TDRP: variants seen among roughly 807,000 people sequenced by gnomAD.
The protein encoded by TDRP is testis development related protein.
In TDRP, 12 loss-of-function variants were observed where a neutral mutation model predicts 10.5. The observed-to-expected ratio is 1.15, with a 90% CI of 0.73 to 1.86. The LOEUF (loss-of-function observed/expected upper bound fraction) is 1.86, where lower values mean the gene tolerates loss of function less well. Among genes scored for constraint, TDRP ranks in the 40% most tolerant of loss-of-function variants. The pLI is 0.00. For missense variants in TDRP, 353 were observed against 229.2 expected, an observed-to-expected ratio of 1.54 and a Z score of -3.49; for synonymous variants, 139 against 95.4, an observed-to-expected ratio of 1.46 and a Z score of -2.67.
chr8:510,864 A>C (rs889486807), intron 1 of TDRP, among the ~76,000 whole-genome samples: 3 of 152,230 alleles, frequency 2.0e-5, no homozygotes, highest in Non-Finnish European at 2.9e-5. Flanking sequence ...TTCTTCCCAG[A>C]ACTAGTCTGA....
At chr8:503,401 C>A (rs113744041) in intron 1 of TDRP, among the ~76,000 whole-genome samples, 1 of 148,680 alleles carries the variant, frequency 6.7e-6, no homozygotes, top group Non-Finnish European at 1.5e-5. Context: ...CACCTCTGCA[C>A]GCGTCAACAC....
upstream of TDRP, chr8:544,878 G>T: frequency 1.5e-6 from 1 of 670,814 alleles, no homozygotes; most frequent in Non-Finnish European, 2.1e-6. Context: ...GCCGGGCGGG[G>T]CTAGGCGGGG....
chr8:543,045 C>T (rs1394950050), intron 1 of TDRP, among the ~76,000 whole-genome samples: 1 of 152,106 alleles, frequency 6.6e-6, no homozygotes, highest in Non-Finnish European at 1.5e-5. Flanking sequence ...TGGTGACTCA[C>T]GCCTGTGATC....
chr8:514,445 A>G (rs543282143), intron 1 of TDRP, among the ~76,000 whole-genome samples: 1 of 152,160 alleles, frequency 6.6e-6, no homozygotes, highest in African/African-American at 2.4e-5. Context: ...GCCTCCCACC[A>G]AGGGAACTGC....
chr8:508,033 T>A lies in TDRP; in HGVS notation c.109-13436A>T, dbSNP rs1230809057. On this transcript the variant is annotated intron_variant, in intron 1 of 2. Coordinates refer to ENST00000324079, the MANE Select transcript of TDRP (RefSeq NM_001384899.1). ...ACAGCAGGCAACACAAACTGCCAGA[T>A]CTGTGGATTTAACAGAAGAAGACTT... Among the ~76,000 whole-genome samples the A allele has an allele frequency of 7.2e-5, 11 of 152,124 alleles. 2 individuals are homozygous for A. The highest frequency in any genetic ancestry group is 7.2e-4 in the Admixed American group (11 of 15,282).
At chr8:498,285 T>C (rs1459870023) in intron 1 of TDRP, among the ~76,000 whole-genome samples, 1 of 152,342 alleles carries the variant, frequency 6.6e-6, no homozygotes, top group East Asian at 1.9e-4. Flanking sequence ...CCACAGGGTC[T>C]GTGGAGATGC....
Position 544,782 on chromosome 8 carries a change from C to G in TDRP, c.-25G>C. 1 of 1,226,258 alleles carries G rather than the reference C, an allele frequency of 8.2e-7. No homozygotes were observed. The highest frequency in any genetic ancestry group is 1.0e-6 in the Non-Finnish European group (1 of 981,726). The allele number at this position is 1,226,258 out of a possible 1,614,324, so 76.0% of individuals were successfully genotyped here. A position where few individuals can be genotyped will look rare whatever the true frequency, so the allele number is the denominator to read the frequency against. ...TGGTCAGGCGGGCTCCGGCGTCCCT[C>G]CGTCCGTGCGTCGGGCTGTGGCTCC... is the stretch of plus-strand genomic sequence containing the variant. On this transcript the variant is annotated 5_prime_UTR_variant, in exon 1 of 3. Coordinates refer to ENST00000324079, the MANE Select transcript of TDRP (RefSeq NM_001384899.1).
chr8:501,406 G>A lies in TDRP; in HGVS notation c.109-6809C>T, dbSNP rs138735482. ...CTGTTGCCCAGGCTGGAGTGCAGTG[G>A]TGTGATCTTGGCTCACTGCAACATC... On this transcript the variant is annotated intron_variant, in intron 1 of 2. Coordinates refer to ENST00000324079, the MANE Select transcript of TDRP (RefSeq NM_001384899.1). Among the ~76,000 whole-genome samples, 52 of 151,834 alleles carry A rather than the reference G, an allele frequency of 3.4e-4. 1 individual carries two copies. Among genetic ancestry groups the A allele is most frequent in the Middle Eastern group, 6.8e-3 (2 of 294 alleles).
intron 1 of TDRP, among the ~76,000 whole-genome samples, chr8:515,734 A>G (rs961197195): frequency 6.6e-6 from 1 of 152,208 alleles, no homozygotes; most frequent in Non-Finnish European, 1.5e-5. Flanking sequence ...GAGAGAAATA[A>G]AAGTTACAGT....
intron 1 of TDRP, among the ~76,000 whole-genome samples, chr8:543,266 T>C (rs375319493): frequency 3.3e-5 from 5 of 152,124 alleles, no homozygotes; most frequent in South Asian, 2.1e-4. Context: ...TGAGCCGAGA[T>C]TGCGCCACTG....
chr8:493,061 A>C (rs1801025129), intron 2 of TDRP, among the ~76,000 whole-genome samples: 1 of 152,212 alleles, frequency 6.6e-6, no homozygotes, highest in Non-Finnish European at 1.5e-5. Flanking sequence ...GATTTTGAGC[A>C]AATCAGATCT....
chr8:493,939 T>A (rs182998329), intron 2 of TDRP, among the ~76,000 whole-genome samples: 15 of 151,974 alleles, frequency 9.9e-5, no homozygotes, highest in Admixed American at 8.5e-4. Context: ...CAGGACCTTT[T>A]ATCCAAAGTA....
At chr8:530,874 C>A (rs183680459) in intron 1 of TDRP, among the ~76,000 whole-genome samples, 1 of 152,200 alleles carries the variant, frequency 6.6e-6, no homozygotes, top group Admixed American at 6.5e-5. Flanking sequence ...CCAAGAACCA[C>A]ACGCTCTCTC....
chr8:533,451 C>T (rs75349338), intron 1 of TDRP, among the ~76,000 whole-genome samples: 1,831 of 152,294 alleles, frequency 0.012, 16 homozygotes, highest in Middle Eastern at 0.02. Flanking sequence ...AAGGCACCAA[C>T]TCTGATCAGC....
chr8:491,746 A>G lies in TDRP; in HGVS notation c.*653T>C. The G allele has an allele frequency of 7.1e-7, 1 of 1,405,582 alleles. No homozygotes were observed. The highest frequency in any genetic ancestry group is 9.2e-7 in the Non-Finnish European group (1 of 1,089,580). 87.1% of individuals were successfully genotyped at this position (1,405,582 alleles called of 1,614,324 possible). On this transcript the variant is annotated 3_prime_UTR_variant, in exon 3 of 3. Transcript: ENST00000324079. ...TAGAAGTTCAAAAGAGGTAAAAATAAAATTCCAAAAAAGAACCACTGTTAC... is the reference window on the plus strand; with the variant it reads ...TAGAAGTTCAAAAGAGGTAAAAATAGAATTCCAAAAAAGAACCACTGTTAC...
chr8:545,671 C>T (rs1172607019), upstream of TDRP: 1 of 152,090 alleles, frequency 6.6e-6, no homozygotes, highest in Non-Finnish European at 1.5e-5. Flanking sequence ...GACTCATCCC[C>T]TCCGGCGCCC....
intron 1 of TDRP, among the ~76,000 whole-genome samples, chr8:502,339 C>T (rs564020925): frequency 4.3e-4 from 66 of 152,328 alleles, no homozygotes; most frequent in Middle Eastern, 3.4e-3. Flanking sequence ...ATCCCACAGT[C>T]ATCAGATGAG....
chr8:520,575 G>A (rs141277533), intron 1 of TDRP, among the ~76,000 whole-genome samples: 37 of 152,312 alleles, frequency 2.4e-4, no homozygotes, highest in African/African-American at 8.4e-4. Context: ...GTGCACAGGT[G>A]TTCCAATCTC....
chr8:519,383 T>C (rs1378339300), intron 1 of TDRP, among the ~76,000 whole-genome samples: 4 of 152,296 alleles, frequency 2.6e-5, no homozygotes, highest in East Asian at 1.9e-4. Flanking sequence ...CAGAGAGTCA[T>C]GGGAAACCCC....
Sources: gnomAD v4.1 joint callset for allele counts (sites outside exome capture counted in the v4.1 genomes callset) on GRCh38, gnomAD v4.1.1 for gene constraint, MANE v1.5 for transcripts, NCBI Gene and HGNC (gene_info 2026-07-23, HGNC 2026-07-21) for gene names.